Variants in SLAMF1 observed in about 807,000 individuals in gnomAD.
The protein encoded by SLAMF1 is signaling lymphocytic activation molecule.
In SLAMF1, 18 loss-of-function variants were observed where a neutral mutation model predicts 35.1. The ratio of observed to expected loss-of-function variants is 0.51; its 90% CI spans 0.35 to 0.76. The LOEUF is 0.76. Among genes scored for constraint, SLAMF1 ranks in the 30% least tolerant of loss-of-function variants. The pLI, the probability that SLAMF1 is intolerant of heterozygous loss-of-function variation, is 0.01. For synonymous variants in SLAMF1, 168 were observed against 157.2 expected, an observed-to-expected ratio of 1.07 and a Z score of -0.51; for missense variants, 392 against 413.0, an observed-to-expected ratio of 0.95 and a Z score of 0.44.
At chr1:160,630,563 C>G (rs1325124602) in intron 3 of SLAMF1, among the ~76,000 whole-genome samples, 1 of 152,210 alleles carries the variant, frequency 6.6e-6, no homozygotes, top group Admixed American at 6.5e-5. Context: ...CCCACCCTTT[C>G]ATCCCAAGGC....
Position 160,645,473 on chromosome 1 carries a change from C to T in SLAMF1, c.76+1397G>A, listed in dbSNP as rs142065547. Among the ~76,000 whole-genome samples, 189 of 152,302 alleles carry T rather than the reference C, an allele frequency of 1.2e-3. 1 individual carries two copies. The Middle Eastern group carries it at 0.014, about 11-fold the overall frequency. On this transcript the variant is annotated intron_variant, in intron 1 of 6. Transcript: ENST00000302035. ...GGCGACTTCCAAAGCCTCAATAAGA[C>T]GAGCTATTGGTCAGCAGTGCCTAAG...
Position 160,634,605 on chromosome 1 carries a change from G to T in SLAMF1, c.700+8C>A, listed in dbSNP as rs1660330958. On this transcript the variant is annotated splice_region_variant and intron_variant, in intron 3 of 6. Transcript: ENST00000302035. Reference sequence around the variant, plus strand: ...AGGTGGCACACAGGCTGCCACCAGTGTACTCACCTGAGGGGTCTGTCCTGC... The same window carrying T: ...AGGTGGCACACAGGCTGCCACCAGTTTACTCACCTGAGGGGTCTGTCCTGC... The T allele has an allele frequency of 1.3e-6, 2 of 1,588,232 alleles. No homozygotes were observed. Among genetic ancestry groups the T allele is most frequent in the Non-Finnish European group, 1.7e-6 (2 of 1,164,596 alleles).
In SLAMF1 at chr1:160,642,847, A is replaced by G. The variant is rs1660823035; in HGVS notation, c.76+4023T>C. On this transcript the variant is annotated intron_variant, in intron 1 of 6. Transcript: ENST00000302035. This position sits in a 1 kb window ranked among gnomAD's most constrained non-coding sequence, Gnocchi z 4.2. ...TTGCCAAGAACACTTGAAACCCTTT[A>G]CCTCTGCATTTGTGCCTCCTTCTAG... 6.6e-6 allele frequency among the ~76,000 whole-genome samples: 1 copy of G among 152,034 alleles called. No homozygotes were observed. The highest frequency in any genetic ancestry group is 6.6e-5 in the Admixed American group (1 of 15,260).
At position 160,636,166 on chromosome 1, in the gene SLAMF1, C is replaced by T. The variant is rs75516279; in HGVS notation, c.415+1025G>A. On this transcript the variant is annotated intron_variant, in intron 2 of 6. Transcript: ENST00000302035. ...AGGACAGAATGTCTGGCATCCACAC[C>T]GTTTTGGAAAATGCATCATGTGCAG... Among the ~76,000 whole-genome samples, 651 of 152,296 alleles carry T rather than the reference C, an allele frequency of 4.3e-3. 5 individuals are homozygous for T. The highest frequency in any genetic ancestry group is 0.015 in the African/African-American group (604 of 41,546).
chr1:160,636,527 G>C (rs2102344058), intron 2 of SLAMF1, among the ~76,000 whole-genome samples: 1 of 152,332 alleles, frequency 6.6e-6, no homozygotes, highest in East Asian at 1.9e-4. Context: ...GGGACTGGTA[G>C]TTAAAAAGGC....
chr1:160,629,942 C>G (rs1660081771), intron 3 of SLAMF1, among the ~76,000 whole-genome samples: 1 of 152,186 alleles, frequency 6.6e-6, no homozygotes, highest in African/African-American at 2.4e-5. Context: ...TGGGAACTCC[C>G]TATTTGAAGA....
chr1:160,609,267 G>C lies in SLAMF1; in HGVS notation c.*1481C>G, dbSNP rs1335824462. 6.6e-6 allele frequency: 1 copy of C among 152,114 alleles called. No homozygotes were observed. The highest frequency in any genetic ancestry group is 1.5e-5 in the Non-Finnish European group (1 of 68,016). The allele number at this position is 152,114 out of a possible 1,614,324, so 9.4% of individuals were successfully genotyped here. A position where few individuals can be genotyped will look rare whatever the true frequency, so the allele number is the denominator to read the frequency against. On this transcript the variant is annotated 3_prime_UTR_variant, in exon 7 of 7. Transcript: ENST00000302035. ...CTTTTCCTGCTCACTTTCAAAGCATGGTTTTGCAGAAACTTCTAGCAGTTA... is the reference window on the plus strand; with the variant it reads ...CTTTTCCTGCTCACTTTCAAAGCATCGTTTTGCAGAAACTTCTAGCAGTTA...
intron 3 of SLAMF1, among the ~76,000 whole-genome samples, chr1:160,625,805 T>A (rs1371542740): frequency 6.6e-6 from 1 of 151,406 alleles, no homozygotes; most frequent in African/African-American, 2.4e-5. Context: ...TTATGGTCAC[T>A]GAGAACCCTC....
At chr1:160,638,170 C>G (rs1319719134) in intron 1 of SLAMF1, among the ~76,000 whole-genome samples, 3 of 151,880 alleles carry the variant, frequency 2.0e-5, no homozygotes, top group Admixed American at 6.6e-5. Flanking sequence ...AAAAAAATAC[C>G]AAGAGCCTTT....
chr1:160,617,408 C>T (rs1474885308), intron 5 of SLAMF1, among the ~76,000 whole-genome samples: 1 of 152,076 alleles, frequency 6.6e-6, no homozygotes, highest in African/African-American at 2.4e-5. Flanking sequence ...TAGCCTCAAA[C>T]TGGAAATAAC....
intron 5 of SLAMF1, among the ~76,000 whole-genome samples, chr1:160,617,903 T>C (rs1030391183): frequency 1.3e-5 from 2 of 152,130 alleles, no homozygotes; most frequent in African/African-American, 4.8e-5. Flanking sequence ...TGAAACCCCA[T>C]CTCTACTAAA....
intron 2 of SLAMF1, 181 bp downstream of exon 2, chr1:160,637,010 G>T: frequency 1.7e-6 from 1 of 580,594 alleles, no homozygotes; most frequent in East Asian, 2.8e-5. Flanking sequence ...ATGCAATTTG[G>T]AAAAAAAAAT....
intron 3 of SLAMF1, among the ~76,000 whole-genome samples, chr1:160,626,678 A>C (rs1469661479): frequency 6.6e-6 from 1 of 152,172 alleles, no homozygotes; most frequent in African/African-American, 2.4e-5. Context: ...TGGGAACTGC[A>C]GATTTTGTGG....
chr1:160,640,116 T>G (rs1660661077), intron 1 of SLAMF1, among the ~76,000 whole-genome samples: 1 of 151,944 alleles, frequency 6.6e-6, no homozygotes, highest in Non-Finnish European at 1.5e-5. Flanking sequence ...ATACTGTATA[T>G]TTGTTTGTTT....
At chr1:160,630,572 G>C (rs6672314) in intron 3 of SLAMF1, among the ~76,000 whole-genome samples, 12,615 of 152,126 alleles carry the variant, frequency 0.083, 664 homozygotes, top group African/African-American at 0.14. Context: ...TCATCCCAAG[G>C]CTGGGGTTTT....
At chr1:160,620,322 T>C (rs375445054) in intron 4 of SLAMF1, among the ~76,000 whole-genome samples, 1 of 152,262 alleles carries the variant, frequency 6.6e-6, no homozygotes, top group East Asian at 1.9e-4. Flanking sequence ...CTCACAGCTT[T>C]CTCACCTCCC....
At chr1:160,638,809 G>A (rs147799432) in intron 1 of SLAMF1, among the ~76,000 whole-genome samples, 5 of 152,206 alleles carry the variant, frequency 3.3e-5, no homozygotes, top group Admixed American at 3.3e-4. Flanking sequence ...TCCTTCAAAC[G>A]CTGTCATCAT....
Position 160,610,595 on chromosome 1 carries a change from G to A in SLAMF1, c.*153C>T, listed in dbSNP as rs931880884. 105 of 649,908 alleles carry A rather than the reference G, an allele frequency of 1.6e-4. 1 individual carries two copies. The highest frequency in any genetic ancestry group is 2.6e-4 in the Non-Finnish European group (93 of 357,258). 40.3% of individuals were successfully genotyped at this position (649,908 alleles called of 1,614,324 possible). A position where few individuals can be genotyped will look rare whatever the true frequency, so the allele number is the denominator to read the frequency against. ...TCACTTCCTTGTTCATTTCACAGATGTATGTGGAAGAAACATCACCAGGGA... is the reference window on the plus strand; with the variant it reads ...TCACTTCCTTGTTCATTTCACAGATATATGTGGAAGAAACATCACCAGGGA... On this transcript the variant is annotated 3_prime_UTR_variant, in exon 7 of 7. Coordinates refer to ENST00000302035, the MANE Select transcript of SLAMF1 (RefSeq NM_003037.5).
intron 5 of SLAMF1, among the ~76,000 whole-genome samples, chr1:160,614,797 G>T (rs1266318304): frequency 1.3e-5 from 2 of 152,044 alleles, no homozygotes; most frequent in South Asian, 4.1e-4. Context: ...TTCACTTCAG[G>T]ATTTTTATCC....
Sources: gnomAD v4.1 joint callset for allele counts (sites outside exome capture counted in the v4.1 genomes callset) on GRCh38, gnomAD v4.1.1 for gene constraint, Gnocchi (gnomAD v3.1) non-coding constraint, MANE v1.5 for transcripts, NCBI Gene and HGNC (gene_info 2026-07-23, HGNC 2026-07-21) for gene names.